Variants in GTSE1 observed in about 807,000 individuals in gnomAD.
GTSE1 encodes the protein G2 and S phase-expressed protein 1.
Under a neutral mutation model 60.5 loss-of-function variants are expected in GTSE1, and 52 were observed. The ratio of observed to expected loss-of-function variants is 0.86; its 90% confidence interval spans 0.69 to 1.08. The LOEUF (loss-of-function observed/expected upper bound fraction) is 1.08. Ranked by LOEUF, GTSE1 falls within the 50% of genes least tolerant of loss-of-function variation. The probability of loss-of-function intolerance (pLI) is 0.00; values close to 1 mark genes in which losing one functional copy is unlikely to be tolerated. For synonymous variants in GTSE1, 368 were observed against 386.5 expected (o/e 0.95, Z 0.56); for missense variants, 937 against 961.8 (o/e 0.97, Z 0.34).
intron 2 of GTSE1, among the ~76,000 whole-genome samples, chr22:46,306,689 C>T (rs9627402): frequency 0.15 from 22,498 of 151,958 alleles, 2,259 homozygotes; most frequent in African/African-American, 0.28. Flanking sequence ...GATTTTGCCA[C>T]GTTGGCCAGG....
At position 46,310,272 on chromosome 22, in the gene GTSE1, A is replaced by T. The variant is rs1181611036; in HGVS notation, c.762+1329A>T. 6.6e-6 allele frequency among the ~76,000 whole-genome samples: 1 copy of T among 152,206 alleles called. No individual in the cohort carries two copies. The highest frequency in any genetic ancestry group is 1.9e-4 in the East Asian group (1 of 5,194). ...ATGCCTAAAGGAAGAAGAAAAAGAAAATAACAGGTGTTATTTTGAGGATGA... is the reference window on the plus strand; with the variant it reads ...ATGCCTAAAGGAAGAAGAAAAAGAATATAACAGGTGTTATTTTGAGGATGA... On this transcript the variant is annotated intron_variant, in intron 4 of 11. Coordinates refer to ENST00000454366, the MANE Select transcript of GTSE1 (RefSeq NM_016426.7). This position sits in a 1 kb window ranked among gnomAD's most constrained non-coding sequence, Gnocchi z 4.4.
Position 46,319,065 on chromosome 22 carries a change from C to T in GTSE1, c.1432+2653C>T, listed in dbSNP as rs1370963406. Among the ~76,000 whole-genome samples the T allele has an allele frequency of 6.6e-6, 1 of 152,178 alleles. No homozygotes were observed. The highest frequency in any genetic ancestry group is 2.4e-5 in the African/African-American group (1 of 41,426). On this transcript the variant is annotated intron_variant, in intron 7 of 11. Transcript: ENST00000454366. This position sits in a 1 kb window ranked among gnomAD's most constrained non-coding sequence, Gnocchi z 5.0. ...GCTAGGACACGTTGTCTTTATTCCG[C>T]ACACAGCTGAAATTTCTTACTGAGA...
Position 46,320,474 on chromosome 22 carries a change from G to A in GTSE1, c.1433-2716G>A, listed in dbSNP as rs1430323452. Among the ~76,000 whole-genome samples the A allele has an allele frequency of 3.3e-5, 5 of 152,198 alleles. No individual in the cohort carries two copies. Among genetic ancestry groups the A allele is most frequent in the South Asian group, 2.1e-4 (1 of 4,834 alleles). On this transcript the variant is annotated intron_variant, in intron 7 of 11. Coordinates refer to ENST00000454366, the MANE Select transcript of GTSE1 (RefSeq NM_016426.7). The surrounding 1 kb of genome is among the most constrained non-coding windows in gnomAD (Gnocchi z 7.1). ...GGGAACACACAGCTCTGGGAGGCAC[G>A]TGGTGGTGTGCACTTTTTGGCTGAG...
chr22:46,299,049 G>A (rs1479851522), intron 2 of GTSE1, among the ~76,000 whole-genome samples: 3 of 152,152 alleles, frequency 2.0e-5, no homozygotes, highest in Non-Finnish European at 1.5e-5. Flanking sequence ...TTCATCAGTC[G>A]TTGACGACTT....
Position 46,320,004 on chromosome 22 carries a change from A to G in GTSE1, c.1433-3186A>G, listed in dbSNP as rs1457102408. On this transcript the variant is annotated intron_variant, in intron 7 of 11. Transcript: ENST00000454366. The surrounding 1 kb of genome is among the most constrained non-coding windows in gnomAD (Gnocchi z 7.1). ...TCTCAAAAAAAAAAAAAAGAAAGAA[A>G]GAAAGAAAAGAAATGCGAGCTGTGA... 1.3e-5 allele frequency among the ~76,000 whole-genome samples: 2 copies of G among 151,354 alleles called. No individual in the cohort carries two copies. The highest frequency in any genetic ancestry group is 2.9e-5 in the Non-Finnish European group (2 of 67,870).
chr22:46,319,557 C>T lies in GTSE1; in HGVS notation c.1432+3145C>T, dbSNP rs2147827113. On this transcript the variant is annotated intron_variant, in intron 7 of 11. Coordinates refer to ENST00000454366, the MANE Select transcript of GTSE1 (RefSeq NM_016426.7). The surrounding 1 kb of genome is among the most constrained non-coding windows in gnomAD (Gnocchi z 5.0). The stretch of plus-strand genomic sequence containing the variant: ...GAGGCAGCGGGCAGAGTCCACGGCC[C>T]CATTTTGGAAGTAGTGAGGGTGAGA... 6.6e-6 allele frequency among the ~76,000 whole-genome samples: 1 copy of T among 152,118 alleles called. No individual in the cohort carries two copies. The highest frequency in any genetic ancestry group is 2.1e-4 in the South Asian group (1 of 4,818).
chr22:46,313,166 TAA>T lies in GTSE1; in HGVS notation c.928-705_928-704del, dbSNP rs778559566. ...CTGGGCAACAGAGTGAGACCCTGTCTAAAAAAAAAAAAAAAAAAAAGGAAAAG... is the reference window on the plus strand; with the variant it reads ...CTGGGCAACAGAGTGAGACCCTGTCTAAAAAAAAAAAAAAAAAAGGAAAAG... On this transcript the variant is annotated intron_variant, in intron 5 of 11. Coordinates refer to ENST00000454366, the MANE Select transcript of GTSE1 (RefSeq NM_016426.7). The surrounding 1 kb of genome is among the most constrained non-coding windows in gnomAD (Gnocchi z 4.4). Among the ~76,000 whole-genome samples, 32 of 82,170 alleles carry T rather than the reference TAA, an allele frequency of 3.9e-4. No individual in the cohort carries two copies. The highest frequency in any genetic ancestry group is 5.8e-4 in the Admixed American group (4 of 6,920). The allele number at this position is 82,170 out of a possible 152,430, so 53.9% of individuals were successfully genotyped here. A position where few individuals can be genotyped will look rare whatever the true frequency, so the allele number is the denominator to read the frequency against.
At chr22:46,312,341 T>C (rs748062272) in intron 5 of GTSE1, 36 bp downstream of exon 5, 23 of 1,585,278 alleles carry the variant, frequency 1.5e-5, no homozygotes, top group Non-Finnish European at 1.9e-5. Flanking sequence ...TTGTGGTTGC[T>C]GGGAATGAGG....
At chr22:46,327,695 A>C (rs2077851918) in intron 9 of GTSE1, among the ~76,000 whole-genome samples, 1 of 152,196 alleles carries the variant, frequency 6.6e-6, no homozygotes, top group African/African-American at 2.4e-5. Context: ...CAAAACAAAA[A>C]AACATATATA....
rs1044032568 is a variant in GTSE1, at chr22:46,329,931, C to T, written c.2137-116C>T. Reference sequence around the variant, plus strand: ...GGCCCAGAGTGCTTTTCAGTGCACCCGAGCCAGGATGAGCGAGTGGCTGTG... The same window carrying T: ...GGCCCAGAGTGCTTTTCAGTGCACCTGAGCCAGGATGAGCGAGTGGCTGTG... On this transcript the variant is annotated intron_variant, in intron 11 of 11. Transcript: ENST00000454366. The surrounding 1 kb of genome is among the most constrained non-coding windows in gnomAD (Gnocchi z 6.4). The T allele has an allele frequency of 1.8e-5, 13 of 707,790 alleles. No individual in the cohort carries two copies. Among genetic ancestry groups the T allele is most frequent in the African/African-American group, 5.2e-5 (3 of 57,386 alleles). 43.8% of individuals were successfully genotyped at this position (707,790 alleles called of 1,614,324 possible).
rs144390133 is a variant in GTSE1, at chr22:46,323,288, T to C, written c.1505+26T>C. On this transcript the variant is annotated intron_variant, in intron 8 of 11. Coordinates refer to ENST00000454366, the MANE Select transcript of GTSE1 (RefSeq NM_016426.7). ...GTGAGTGACGTTGGTCCGCTTCCTC[T>C]CTTTATTGCTGTAGAATGACTCACG... 2,329 of 1,552,766 alleles carry C rather than the reference T, an allele frequency of 1.5e-3. 24 individuals are homozygous for C. In the African/African-American group the frequency reaches 0.028, roughly 18 times the overall value.
At chr22:46,326,054 T>C (rs2077841796) in intron 8 of GTSE1, among the ~76,000 whole-genome samples, 1 of 152,280 alleles carries the variant, frequency 6.6e-6, no homozygotes. Flanking sequence ...CGGCTCTGAC[T>C]TCCTTATGGC....
intron 6 of GTSE1, among the ~76,000 whole-genome samples, chr22:46,315,496 A>C (rs2077773752): frequency 6.6e-6 from 1 of 152,206 alleles, no homozygotes; most frequent in South Asian, 2.1e-4. Flanking sequence ...TCCTGGGCTA[A>C]AGTTTTTCTT....
At chr22:46,325,981 CTGGGTA>C (rs1310932656) in intron 8 of GTSE1, among the ~76,000 whole-genome samples, 26 of 152,248 alleles carry the variant, frequency 1.7e-4, no homozygotes, top group African/African-American at 6.0e-4. Flanking sequence ...GACCTTAAGC[CTGGGTA>C]TGAGTGGGCG....
intron 2 of GTSE1, among the ~76,000 whole-genome samples, chr22:46,299,599 T>C (rs1465934581): frequency 6.6e-6 from 1 of 152,178 alleles, no homozygotes; most frequent in Admixed American, 6.5e-5. Flanking sequence ...ATCTACAGAC[T>C]CTCCATCTCC....
In GTSE1 at chr22:46,297,232, C is replaced by A; in HGVS notation, c.-21-148C>A. 1.6e-6 allele frequency: 1 copy of A among 614,484 alleles called. No individual in the cohort carries two copies. The highest frequency in any genetic ancestry group is 2.9e-6 in the Non-Finnish European group (1 of 345,874). 38.1% of individuals were successfully genotyped at this position (614,484 alleles called of 1,614,324 possible). A position where few individuals can be genotyped will look rare whatever the true frequency, so the allele number is the denominator to read the frequency against. On this transcript the variant is annotated intron_variant, in intron 1 of 11. Coordinates refer to ENST00000454366, the MANE Select transcript of GTSE1 (RefSeq NM_016426.7). The surrounding 1 kb of genome is among the most constrained non-coding windows in gnomAD (Gnocchi z 4.9). The stretch of plus-strand genomic sequence containing the variant: ...TCGGGCCCTGGGGTCCCCTGGGATG[C>A]GATCATTTCAGAGCGGCCCCCGCGC...
rs567227158 is a variant in GTSE1, at chr22:46,317,050, C to T, written c.1432+638C>T. ...GATCTCAGCGCACTGTAACCTCCAC[C>T]TACCGAGTTCAAGCAATTCTCCTGC... is the stretch of plus-strand genomic sequence containing the variant. On this transcript the variant is annotated intron_variant, in intron 7 of 11. Coordinates refer to ENST00000454366, the MANE Select transcript of GTSE1 (RefSeq NM_016426.7). This position sits in a 1 kb window ranked among gnomAD's most constrained non-coding sequence, Gnocchi z 5.6. 9.8e-5 allele frequency among the ~76,000 whole-genome samples: 15 copies of T among 152,308 alleles called. No individual in the cohort carries two copies. The highest frequency in any genetic ancestry group is 3.6e-4 in the African/African-American group (15 of 41,570).
chr22:46,307,399 CTT>C (rs1298886674), intron 2 of GTSE1, among the ~76,000 whole-genome samples: 1 of 152,136 alleles, frequency 6.6e-6, no homozygotes, highest in Non-Finnish European at 1.5e-5. Flanking sequence ...TGACTTATCT[CTT>C]CTTGAAAAGC....
In GTSE1 at chr22:46,304,879, C is replaced by G. The variant is rs982665643; in HGVS notation, c.80-3271C>G. Among the ~76,000 whole-genome samples, 1 of 151,884 alleles carries G rather than the reference C, an allele frequency of 6.6e-6. No homozygotes were observed. The highest frequency in any genetic ancestry group is 1.5e-5 in the Non-Finnish European group (1 of 67,972). ...CTGTAGTCCCAGCTACTCGGGAAGCCGAGACAGGAGGATCCCTCGAGTCCA... is the reference window on the plus strand; with the variant it reads ...CTGTAGTCCCAGCTACTCGGGAAGCGGAGACAGGAGGATCCCTCGAGTCCA... On this transcript the variant is annotated intron_variant, in intron 2 of 11. Coordinates refer to ENST00000454366, the MANE Select transcript of GTSE1 (RefSeq NM_016426.7). This position sits in a 1 kb window ranked among gnomAD's most constrained non-coding sequence, Gnocchi z 4.4.
Sources: allele counts gnomAD v4.1 joint callset (sites outside exome capture counted in the v4.1 genomes callset), GRCh38; gene constraint gnomAD v4.1.1; non-coding constraint Gnocchi (gnomAD v3.1); transcripts MANE v1.5; gene names NCBI Gene and HGNC (gene_info 2026-07-23, HGNC 2026-07-21).